Variants in HUWE1 observed in about 807,000 individuals in gnomAD.
The protein encoded by HUWE1 is E3 ubiquitin-protein ligase HUWE1.
Under a neutral mutation model 299.4 loss-of-function variants are expected in HUWE1, and 18 were observed. The observed-to-expected ratio is 0.06, with a 90% CI of 0.04 to 0.09. HUWE1 has a LOEUF of 0.09. Among genes scored for constraint, HUWE1 ranks in the 10% least tolerant of loss-of-function variants. The pLI is 1.00. For synonymous variants in HUWE1, 1,317 were observed against 1,286.1 expected, an observed-to-expected ratio of 1.02 and a Z score of -0.51; for missense variants, 1,832 against 3,462.3, an observed-to-expected ratio of 0.53 and a Z score of 11.82.
chrX:53,548,021 G>C lies in HUWE1; in HGVS notation c.10288C>G (p.Pro3430Ala). The C allele has an allele frequency of 1.7e-6, 2 of 1,211,091 alleles. No homozygotes were observed. Among genetic ancestry groups the C allele is most frequent in the Non-Finnish European group, 2.2e-6 (2 of 895,191 alleles). Residue 3430 changes from proline to alanine, a missense_variant, in exon 68 of 84, where the codon CCA becomes GCA. By Grantham distance (27) the Pro-to-Ala change is conservative (BLOSUM62 -1). This residue lies in a region of HUWE1 where 119 missense variants were observed against 124.6 expected (regional missense o/e 0.96). Transcript: ENST00000262854. ...ETSPYSLEAS[P>A]LGQLMNMLSH... is the part of the protein sequence containing the mutation. ...AACATGTTCATGAGCTGCCCCAGTG[G>C]AGAGGCCTCGAGGCTGTATGGAGAG...
intron 48 of HUWE1, among the ~76,000 whole-genome samples, 157 bp from the exon 49 acceptor site, chrX:53,569,031 T>C (rs2062698578): frequency 8.9e-6 from 1 of 112,130 alleles, no homozygotes; most frequent in Admixed American, 9.4e-5. Context: ...CCTAAGGTGA[T>C]AGCATTCGTT....
rs140191500 is a variant in HUWE1, at chrX:53,560,616, G to A, written c.7508-200C>T. Among the ~76,000 whole-genome samples, 941 of 110,908 alleles carry A rather than the reference G, an allele frequency of 8.5e-3. 16 individuals are homozygous for A. Among genetic ancestry groups the A allele is most frequent in the African/African-American group, 0.03 (905 of 30,479 alleles). On this transcript the variant is annotated intron_variant, in intron 55 of 83. Transcript: ENST00000262854. ...TCATCTCTCACTTAGATACTGCAAC[G>A]GCCTCCTAAATAGTACCTTCTCCCA... is the stretch of plus-strand genomic sequence containing the variant.
At chrX:53,539,846 T>C (rs781861216) in intron 74 of HUWE1, 34 bp from the exon 75 acceptor site, 4 of 1,179,044 alleles carry the variant, frequency 3.4e-6, no homozygotes, top group Non-Finnish European at 3.4e-6. Flanking sequence ...CAGAAAGTCT[T>C]CAAAATTTCC....
intron 43 of HUWE1, among the ~76,000 whole-genome samples, chrX:53,578,360 G>C (rs1556961748): frequency 9.4e-6 from 1 of 106,203 alleles, no homozygotes; most frequent in Admixed American, 9.5e-5. Context: ...AGGTGGGGGG[G>C]GGTCAGCCCC....
chrX:53,539,407 C>T (rs782551409), intron 75 of HUWE1, among the ~76,000 whole-genome samples: 42 of 109,043 alleles, frequency 3.9e-4, no homozygotes, highest in Non-Finnish European at 6.5e-4. Context: ...TTCCTTGAAG[C>T]CAAAGAAAAA....
chrX:53,577,713 G>A (rs1253973275), intron 43 of HUWE1, among the ~76,000 whole-genome samples: 1 of 114,157 alleles, frequency 8.8e-6, no homozygotes, highest in Non-Finnish European at 1.9e-5. Context: ...TGGTGGAGAC[G>A]GGGTTTTGCT....
At chrX:53,558,917 T>C (rs1556938065) in intron 58 of HUWE1, 54 bp downstream of exon 58, 1 of 1,172,089 alleles carries the variant, frequency 8.5e-7, no homozygotes, top group Non-Finnish European at 1.2e-6. Context: ...CTCCACACGT[T>C]TGCCCTAGCT....
intron 26 of HUWE1, 92 bp downstream of exon 26, chrX:53,604,497 C>T (rs2065056004): frequency 9.8e-7 from 1 of 1,025,169 alleles, no homozygotes; most frequent in African/African-American, 1.9e-5. Flanking sequence ...CTCAGGCAGA[C>T]CTCCTTTCAA....
At chrX:53,664,821 T>C (rs1160396120) in intron 3 of HUWE1, among the ~76,000 whole-genome samples, 6 of 111,641 alleles carry the variant, frequency 5.4e-5, no homozygotes, top group Admixed American at 1.9e-4. Context: ...TATTTGATTA[T>C]AGAGGAATAG....
At chrX:53,544,915 T>C (rs1556921377) in intron 71 of HUWE1, 114 bp downstream of exon 71, 2 of 970,482 alleles carry the variant, frequency 2.1e-6, no homozygotes, top group Non-Finnish European at 2.9e-6. Flanking sequence ...CAAGTGTGTA[T>C]AGGAAAGATA....
chrX:53,573,610 G>C (rs943757231), intron 47 of HUWE1, 140 bp downstream of exon 47: 1 of 537,883 alleles, frequency 1.9e-6, no homozygotes, highest in African/African-American at 2.3e-5. Flanking sequence ...ACCCGGCCTT[G>C]CATGTCTGAA....
chrX:53,678,180 C>G (rs782289183), intron 3 of HUWE1, among the ~76,000 whole-genome samples: 13 of 112,004 alleles, frequency 1.2e-4, no homozygotes, highest in Non-Finnish European at 2.3e-4. Flanking sequence ...TGACTAAAAA[C>G]TTTTAAAGAG....
intron 81 of HUWE1, among the ~76,000 whole-genome samples, chrX:53,534,938 G>A (rs1233170000): frequency 9.2e-6 from 1 of 108,655 alleles, no homozygotes. Context: ...GTTAAGCTGG[G>A]TTTGTTTTTT....
At chrX:53,627,582 A>G in intron 16 of HUWE1, 67 bp from the exon 17 acceptor site, 1 of 750,500 alleles carries the variant, frequency 1.3e-6, no homozygotes, top group Non-Finnish European at 1.9e-6. Context: ...TTCAGGGATT[A>G]AAAACTATTA....
At chrX:53,666,398 C>G (rs1306647125) in intron 3 of HUWE1, among the ~76,000 whole-genome samples, 1 of 111,605 alleles carries the variant, frequency 9.0e-6, no homozygotes, top group African/African-American at 3.3e-5. Flanking sequence ...CTGTGTTGAT[C>G]ACTGTTCAAG....
chrX:53,601,268 A>C (rs1816656967), intron 28 of HUWE1, among the ~76,000 whole-genome samples: 1 of 109,259 alleles, frequency 9.2e-6, no homozygotes, highest in Admixed American at 9.8e-5. Flanking sequence ...CATAGCCTCA[A>C]CTTCCTGGGC....
chrX:53,563,920 G>C (rs2062410337), intron 51 of HUWE1, 99 bp from the exon 52 acceptor site: 2 of 922,027 alleles, frequency 2.2e-6, no homozygotes, highest in African/African-American at 3.9e-5. Context: ...TACATTTCTA[G>C]GATAACATGT....
intron 60 of HUWE1, among the ~76,000 whole-genome samples, chrX:53,556,863 AAT>A (rs1264245691): frequency 3.5e-5 from 4 of 112,763 alleles, no homozygotes; most frequent in African/African-American, 1.3e-4. Flanking sequence ...CAGAATTAGG[AAT>A]ATGATCTCTA....
chrX:53,664,532 G>C (rs968037984), intron 3 of HUWE1, among the ~76,000 whole-genome samples: 2 of 111,797 alleles, frequency 1.8e-5, no homozygotes, highest in East Asian at 5.6e-4. Flanking sequence ...TTATTAGCAG[G>C]TAAGAGATGT....
Sources: gnomAD v4.1 joint callset for allele counts (sites outside exome capture counted in the v4.1 genomes callset) on GRCh38, gnomAD v4.1.1 for gene constraint, gnomAD v4.1.1 regional missense constraint, MANE v1.5 for transcripts, NCBI Gene and HGNC (gene_info 2026-07-23, HGNC 2026-07-21) for gene names.